Variants in CSTPP1 observed in about 807,000 individuals in gnomAD.
CSTPP1 encodes centriolar satellite-associated tubulin polyglutamylase complex regulator 1, also known as UPF0705 protein C11orf49.
the CSTPP1 span, among the ~76,000 whole-genome samples, chr11:47,144,092 G>C: frequency 6.6e-6 from 1 of 152,120 alleles, no homozygotes; most frequent in Admixed American, 6.6e-5. Flanking sequence ...AAATGGGGAT[G>C]ATAATAATAA....
chr11:47,087,371 A>C, the CSTPP1 span, among the ~76,000 whole-genome samples: 1 of 152,208 alleles, frequency 6.6e-6, no homozygotes, highest in Non-Finnish European at 1.5e-5. Context: ...CCTCATTTGC[A>C]TGGAGATAAT....
chr11:47,134,793 C>G, the CSTPP1 span, among the ~76,000 whole-genome samples: 2 of 152,104 alleles, frequency 1.3e-5, no homozygotes, highest in Admixed American at 6.5e-5. Flanking sequence ...CTCAGGCAAC[C>G]CAACAGAGAA....
At chr11:47,060,258 CTT>C in the CSTPP1 span, among the ~76,000 whole-genome samples, 105 of 99,018 alleles carry the variant, frequency 1.1e-3, no homozygotes, top group Middle Eastern at 6.3e-3. Context: ...CTTTTCTTTT[CTT>C]TTTTTTTTTT....
chr11:47,134,138 A>C, the CSTPP1 span, among the ~76,000 whole-genome samples: 1 of 152,166 alleles, frequency 6.6e-6, no homozygotes, highest in Non-Finnish European at 1.5e-5. Context: ...ACTGGAAATA[A>C]TGGAGTCTAC....
the CSTPP1 span, among the ~76,000 whole-genome samples, chr11:47,038,231 C>T: frequency 3.1e-5 from 2 of 65,198 alleles, no homozygotes; most frequent in African/African-American, 9.3e-5. Flanking sequence ...GGGCGGCCGG[C>T]CAGAGGCGCC....
chr11:47,099,395 T>TG, the CSTPP1 span, among the ~76,000 whole-genome samples: 1 of 152,192 alleles, frequency 6.6e-6, no homozygotes. Context: ...CCATGGCTGC[T>TG]AAGAGAAACT....
the CSTPP1 span, among the ~76,000 whole-genome samples, chr11:47,051,227 C>T: frequency 6.6e-6 from 1 of 152,184 alleles, no homozygotes; most frequent in Non-Finnish European, 1.5e-5. Flanking sequence ...CATGTTTCCA[C>T]TCCTGATTTA....
At chr11:46,965,440 G>A in the CSTPP1 span, among the ~76,000 whole-genome samples, 8 of 151,968 alleles carry the variant, frequency 5.3e-5, no homozygotes, top group African/African-American at 1.9e-4. Context: ...GGTCAGGCTG[G>A]TCTTGAACTC....
the CSTPP1 span, among the ~76,000 whole-genome samples, chr11:47,071,714 C>T: frequency 1.3e-5 from 2 of 152,120 alleles, no homozygotes; most frequent in African/African-American, 4.8e-5. Context: ...TTCAATTTAA[C>T]CATCAGATAA....
At chr11:47,060,913 C>A in the CSTPP1 span, among the ~76,000 whole-genome samples, 1 of 151,950 alleles carries the variant, frequency 6.6e-6, no homozygotes, top group South Asian at 2.1e-4. Flanking sequence ...AAGCATAGAC[C>A]CGTTAGGAGA....
chr11:46,980,362 C>T, the CSTPP1 span, among the ~76,000 whole-genome samples: 1 of 152,214 alleles, frequency 6.6e-6, no homozygotes, highest in African/African-American at 2.4e-5. Context: ...TTTGACTAGC[C>T]GTATAGCAGG....
At chr11:47,132,220 C>T in the CSTPP1 span, among the ~76,000 whole-genome samples, 1 of 152,116 alleles carries the variant, frequency 6.6e-6, no homozygotes, top group Non-Finnish European at 1.5e-5. Context: ...GCCTGGAGAC[C>T]CCCTATCTTT....
chr11:47,159,873 A>G, the CSTPP1 span: 1 of 355,688 alleles, frequency 2.8e-6, no homozygotes, highest in Non-Finnish European at 5.5e-6. Context: ...TTGTGGTGGC[A>G]CATGCCTGTA....
At chr11:47,030,093 C>G in the CSTPP1 span, among the ~76,000 whole-genome samples, 1 of 152,120 alleles carries the variant, frequency 6.6e-6, no homozygotes, top group African/African-American at 2.4e-5. Context: ...TACTACTGTA[C>G]TCCAGCCTTG....
At chr11:46,944,954 T>C in the CSTPP1 span, among the ~76,000 whole-genome samples, 1 of 152,222 alleles carries the variant, frequency 6.6e-6, no homozygotes, top group Non-Finnish European at 1.5e-5. Context: ...ACAACTTCTT[T>C]AGGACTTGGC....
chr11:47,127,412 G>T, the CSTPP1 span, among the ~76,000 whole-genome samples: 6 of 152,188 alleles, frequency 3.9e-5, no homozygotes, highest in Admixed American at 3.3e-4. Context: ...GGAAAGTGGC[G>T]CACCTGCCTT....
At chr11:46,960,174 T>G in the CSTPP1 span, among the ~76,000 whole-genome samples, 2 of 152,160 alleles carry the variant, frequency 1.3e-5, no homozygotes, top group Non-Finnish European at 2.9e-5. Flanking sequence ...GCCTAAATAA[T>G]TTTTTGAAAG....
At chr11:47,158,041 CCA>C in the CSTPP1 span, 1 of 879,320 alleles carries the variant, frequency 1.1e-6, no homozygotes, top group South Asian at 1.5e-5. Flanking sequence ...CCTTGACTTC[CCA>C]GGGCCGGACT....
the CSTPP1 span, among the ~76,000 whole-genome samples, chr11:46,986,669 A>T: frequency 1.3e-5 from 2 of 152,022 alleles, no homozygotes; most frequent in Admixed American, 6.6e-5. Flanking sequence ...GGTTTTCACC[A>T]TGTTGCCAAG....
Sources: allele counts gnomAD v4.1 joint callset (sites outside exome capture counted in the v4.1 genomes callset), GRCh38; gene constraint gnomAD v4.1.1; transcripts MANE v1.5; gene names NCBI Gene and HGNC (gene_info 2026-07-23, HGNC 2026-07-21).